The following PPP4R4 variants were observed in gnomAD, a reference collection of about 807,000 sequenced individuals.
The protein encoded by PPP4R4 is protein phosphatase 4 regulatory subunit 4, also known as serine/threonine-protein phosphatase 4 regulatory subunit 4.
PPP4R4 carries 70 observed loss-of-function variants against 121.8 expected under a neutral mutation model. That is an observed-to-expected ratio of 0.57 (90% CI 0.47 to 0.70). The LOEUF is 0.70. Among genes scored for constraint, PPP4R4 ranks in the 30% least tolerant of loss-of-function variants. The probability of loss-of-function intolerance (pLI) is 0.00; values close to 1 mark genes in which losing one functional copy is unlikely to be tolerated. For missense variants in PPP4R4, 875 were observed against 1,033.6 expected (o/e 0.85, Z 2.10); for synonymous variants, 348 against 355.7 (o/e 0.98, Z 0.24).
At chr14:94,229,014 G>A (rs994133654) in intron 3 of PPP4R4, among the ~76,000 whole-genome samples, 3 of 152,150 alleles carry the variant, frequency 2.0e-5, no homozygotes, top group Non-Finnish European at 2.9e-5. Flanking sequence ...TCCAGGAAAA[G>A]TGGAACTGAG....
At position 94,245,633 on chromosome 14, in the gene PPP4R4, T is replaced by C; in HGVS notation, c.1391T>C (p.Met464Thr). ...IDHLPEILELMSTGGESSVQE... is the reference protein window; with the variant it reads ...IDHLPEILELTSTGGESSVQE... Reference sequence around the variant, plus strand: ...CATCTTCCAGAAATCTTGGAACTTATGTCTACTGGTGGAGAAAGCAGTGTT... The same window carrying C: ...CATCTTCCAGAAATCTTGGAACTTACGTCTACTGGTGGAGAAAGCAGTGTT... Residue 464 changes from methionine (M) to threonine (T), a missense_variant, in exon 13 of 25, where the codon ATG (methionine) becomes ACG (threonine). Transcript: ENST00000304338. The C allele has an allele frequency of 1.9e-6, 3 of 1,600,374 alleles. No individual in the cohort carries two copies. The highest frequency in any genetic ancestry group is 2.6e-6 in the Non-Finnish European group (3 of 1,169,494).
At chr14:94,258,371 G>A (rs1893588182) in intron 17 of PPP4R4, among the ~76,000 whole-genome samples, 1 of 152,140 alleles carries the variant, frequency 6.6e-6, no homozygotes, top group African/African-American at 2.4e-5. Context: ...TTCTACAGAA[G>A]GGAACTAAGG....
At chr14:94,213,869 A>G (rs1890873838) in intron 3 of PPP4R4, among the ~76,000 whole-genome samples, 1 of 152,208 alleles carries the variant, frequency 6.6e-6, no homozygotes, top group Non-Finnish European at 1.5e-5. Flanking sequence ...GTTTTAAGCC[A>G]CTCAGTTTGT....
chr14:94,212,977 G>T (rs1890823354), intron 3 of PPP4R4, among the ~76,000 whole-genome samples: 1 of 152,088 alleles, frequency 6.6e-6, no homozygotes, highest in African/African-American at 2.4e-5. Flanking sequence ...TTATATAAAA[G>T]AAATCGAGCA....
At chr14:94,257,198 T>C (rs1459219310) in intron 17 of PPP4R4, among the ~76,000 whole-genome samples, 1 of 152,102 alleles carries the variant, frequency 6.6e-6, no homozygotes, top group African/African-American at 2.4e-5. Flanking sequence ...GATCTTAGTA[T>C]ATGGATTCTT....
intron 7 of PPP4R4, among the ~76,000 whole-genome samples, chr14:94,236,789 A>T (rs974383069): frequency 6.6e-6 from 1 of 152,190 alleles, no homozygotes; most frequent in African/African-American, 2.4e-5. Context: ...GCATTGTCTT[A>T]GAGTCTTTGA....
intron 3 of PPP4R4, among the ~76,000 whole-genome samples, chr14:94,215,753 G>A (rs1890987577): frequency 6.6e-6 from 1 of 152,100 alleles, no homozygotes; most frequent in South Asian, 2.1e-4. Flanking sequence ...ATGGTTTACA[G>A]CTTAAAAAAT....
intron 2 of PPP4R4, among the ~76,000 whole-genome samples, chr14:94,181,944 G>A (rs1330432256): frequency 3.9e-4 from 60 of 152,234 alleles, no homozygotes; most frequent in Non-Finnish European, 1.2e-4. Context: ...CAATTAGTGA[G>A]AGTGGAATTC....
intron 12 of PPP4R4, among the ~76,000 whole-genome samples, chr14:94,245,290 T>C (rs1375785057): frequency 1.3e-5 from 2 of 152,122 alleles, no homozygotes; most frequent in Non-Finnish European, 2.9e-5. Flanking sequence ...GTTTCGAAAG[T>C]TTGGAGGCAG....
At chr14:94,174,799 T>C (rs1888574522) in intron 1 of PPP4R4, among the ~76,000 whole-genome samples, 1 of 151,796 alleles carries the variant, frequency 6.6e-6, no homozygotes, top group Admixed American at 6.5e-5. Flanking sequence ...TCCTCTCTAG[T>C]CTGGACCCCC....
chr14:94,264,430 GTGTGAGCCAC>G (rs565667540), intron 19 of PPP4R4, among the ~76,000 whole-genome samples: 100 of 152,246 alleles, frequency 6.6e-4, no homozygotes, highest in African/African-American at 2.3e-3. Flanking sequence ...GGGATTACTG[GTGTGAGCCAC>G]TGTGCCCAGC....
At chr14:94,193,255 A>G (rs1889699058) in intron 2 of PPP4R4, among the ~76,000 whole-genome samples, 1 of 152,130 alleles carries the variant, frequency 6.6e-6, no homozygotes, top group Non-Finnish European at 1.5e-5. Flanking sequence ...GGAGTGGGAT[A>G]GGAAAAGCTG....
intron 7 of PPP4R4, 121 bp downstream of exon 7, chr14:94,234,790 A>G (rs946858880): frequency 2.7e-6 from 2 of 738,694 alleles, no homozygotes; most frequent in African/African-American, 1.8e-5. Flanking sequence ...AAAGAGATAA[A>G]GAGGAATGTG....
At chr14:94,207,332 T>C (rs1833275876) in intron 2 of PPP4R4, among the ~76,000 whole-genome samples, 1 of 151,992 alleles carries the variant, frequency 6.6e-6, no homozygotes, top group Non-Finnish European at 1.5e-5. Flanking sequence ...AGGATTCTCC[T>C]AGAGAGTGAT....
chr14:94,180,911 A>ATGTT (rs1490441595), intron 2 of PPP4R4, among the ~76,000 whole-genome samples: 1 of 152,118 alleles, frequency 6.6e-6, no homozygotes, highest in Non-Finnish European at 1.5e-5. Flanking sequence ...ATCAGTGGAA[A>ATGTT]TAAACAAGTG....
intron 7 of PPP4R4, 47 bp downstream of exon 7, chr14:94,234,716 A>C (rs1892233442): frequency 7.8e-7 from 1 of 1,285,586 alleles, no homozygotes; most frequent in Non-Finnish European, 1.1e-6. Flanking sequence ...AAAACATGCC[A>C]TTGAAAGGCT....
chr14:94,243,844 AG>A (rs1302720317), intron 11 of PPP4R4, among the ~76,000 whole-genome samples: 2 of 152,074 alleles, frequency 1.3e-5, no homozygotes, highest in East Asian at 3.9e-4. Context: ...TCAATGCTAG[AG>A]TCTGATAATT....
At chr14:94,197,761 C>T (rs1889961673) in intron 2 of PPP4R4, among the ~76,000 whole-genome samples, 2 of 152,144 alleles carry the variant, frequency 1.3e-5, no homozygotes, top group African/African-American at 4.8e-5. Context: ...CTTTCTGCCA[C>T]TATAGTTCAG....
intron 7 of PPP4R4, among the ~76,000 whole-genome samples, chr14:94,236,655 TA>T (rs1892367111): frequency 6.6e-6 from 1 of 152,144 alleles, no homozygotes; most frequent in African/African-American, 2.4e-5. Flanking sequence ...TAAGGAAAAT[TA>T]AAGAAAATTA....
Sources: allele counts gnomAD v4.1 joint callset (sites outside exome capture counted in the v4.1 genomes callset), GRCh38; gene constraint gnomAD v4.1.1; transcripts MANE v1.5; gene names NCBI Gene and HGNC (gene_info 2026-07-23, HGNC 2026-07-21).